Variants in GALM observed in about 807,000 individuals in gnomAD.
GALM encodes the protein galactose mutarotase, also known as aldose 1-epimerase.
A neutral mutation model predicts 37.4 loss-of-function variants in GALM; 43 were observed. The observed-to-expected ratio is 1.15, with a 90% CI of 0.90 to 1.48. The LOEUF is 1.48. Among genes scored for constraint, GALM ranks in the 40% most tolerant of loss-of-function variants. The probability of loss-of-function intolerance (pLI) is 0.00; values close to 1 mark genes in which losing one functional copy is unlikely to be tolerated. For missense variants in GALM, 456 were observed against 419.1 expected (o/e 1.09, Z -0.77); for synonymous variants, 199 against 170.6 (o/e 1.17, Z -1.30).
rs3097714 is a variant in GALM at position 38,733,349 on chromosome 2, A to G, written c.952-139A>G. On this transcript the variant is annotated intron_variant, in intron 6 of 6. Transcript: ENST00000272252. ...TCTGATTAAAGTTCTTTATCTCACT[A>G]TGAACCAATCATAAACAGTTCCCGC... The G allele has an allele frequency of 0.24, 178,397 of 753,404 alleles. 22,635 individuals carry two copies. Among genetic ancestry groups the G allele is most frequent in the Admixed American group, 0.31 (16,186 of 52,788 alleles). 46.7% of individuals were successfully genotyped at this position (753,404 alleles called of 1,614,324 possible).
At chr2:38,732,937 A>G (rs1457140077) in intron 6 of GALM, among the ~76,000 whole-genome samples, 12 of 144,178 alleles carry the variant, frequency 8.3e-5, no homozygotes, top group South Asian at 6.8e-4. Flanking sequence ...AAAAAAAAAA[A>G]GGGCCAGGTG....
chr2:38,687,712 GAA>G (rs79038557), intron 3 of GALM, among the ~76,000 whole-genome samples: 3 of 132,946 alleles, frequency 2.3e-5, no homozygotes, highest in Admixed American at 1.5e-4. Context: ...CTCTGCCTCC[GAA>G]AAAAAAAAAA....
intron 3 of GALM, 43 bp from the exon 4 acceptor site, chr2:38,689,770 A>G (rs1558583646): frequency 8.7e-7 from 1 of 1,155,538 alleles, no homozygotes; most frequent in African/African-American, 1.6e-5. Context: ...AATATATGAA[A>G]TAAGACTAAG....
chr2:38,685,857 A>G (rs528320746), intron 3 of GALM, among the ~76,000 whole-genome samples: 11 of 152,092 alleles, frequency 7.2e-5, no homozygotes, highest in Non-Finnish European at 1.3e-4. Flanking sequence ...AGCTGGGATT[A>G]CAGGCACGTG....
At chr2:38,711,400 A>T (rs902956867) in intron 4 of GALM, among the ~76,000 whole-genome samples, 9 of 151,982 alleles carry the variant, frequency 5.9e-5, no homozygotes, top group African/African-American at 2.2e-4. Flanking sequence ...ACCTCAGGTG[A>T]TCCGCCCACC....
intron 4 of GALM, chr2:38,698,513 TAAA>T (rs1241787730): frequency 7.6e-5 from 40 of 523,160 alleles, no homozygotes; most frequent in East Asian, 2.7e-4. Flanking sequence ...CTTAGCTACT[TAAA>T]AAAAAAAAAA....
At position 38,734,167 on chromosome 2, in the gene GALM, G is replaced by C. The variant is rs1666660786; in HGVS notation, c.*602G>C. 1 of 156,974 alleles carries C rather than the reference G, an allele frequency of 6.4e-6. No individual in the cohort carries two copies. The highest frequency in any genetic ancestry group is 2.4e-5 in the African/African-American group (1 of 41,468). The allele number at this position is 156,974 out of a possible 1,614,324, so 9.7% of individuals were successfully genotyped here. ...TAATCCCAGCACTTTGGAAGGCCGAGGCAGGCGGATCACGAGGTCAGGAGA... is the reference window on the plus strand; with the variant it reads ...TAATCCCAGCACTTTGGAAGGCCGACGCAGGCGGATCACGAGGTCAGGAGA... On this transcript the variant is annotated 3_prime_UTR_variant, in exon 7 of 7. Coordinates refer to ENST00000272252, the MANE Select transcript of GALM (RefSeq NM_138801.3).
chr2:38,710,753 CTT>C lies in GALM; in HGVS notation c.635-18786_635-18785del, dbSNP rs531054454. On this transcript the variant is annotated intron_variant, in intron 4 of 6. Coordinates refer to ENST00000272252, the MANE Select transcript of GALM (RefSeq NM_138801.3). ...GTTTGGTCATACTGGTCATTTCCTT[CTT>C]TTTTTTTTTTTTTTTTAGACGGAGT... 5.5e-4 allele frequency among the ~76,000 whole-genome samples: 73 copies of C among 133,334 alleles called. No individual in the cohort carries two copies. The South Asian group carries it at 8.6e-3, about 16-fold the overall frequency. The allele number at this position is 133,334 out of a possible 152,430, so 87.5% of individuals were successfully genotyped here.
chr2:38,729,092 G>T (rs1329117465), intron 4 of GALM, among the ~76,000 whole-genome samples: 1 of 152,092 alleles, frequency 6.6e-6, no homozygotes, highest in Non-Finnish European at 1.5e-5. Context: ...AGATACTCTA[G>T]TTCCTTCTAT....
At chr2:38,671,181 A>G (rs540596612) in intron 1 of GALM, among the ~76,000 whole-genome samples, 33 of 152,354 alleles carry the variant, frequency 2.2e-4, no homozygotes, top group African/African-American at 7.9e-4. Context: ...CATGAAAAAT[A>G]GTATTTTCTG....
At chr2:38,685,767 G>A (rs994694830) in intron 3 of GALM, among the ~76,000 whole-genome samples, 3 of 151,916 alleles carry the variant, frequency 2.0e-5, no homozygotes, top group Admixed American at 2.0e-4. Context: ...TCCCAGGCTG[G>A]AGTGCAGTGG....
Position 38,720,010 on chromosome 2 carries a change from TG to T in GALM, c.635-9543del, listed in dbSNP as rs371143264. On this transcript the variant is annotated intron_variant, in intron 4 of 6. Transcript: ENST00000272252. ...TGAGCCTAGGAGTTTGAGACCAGCC[TG>T]GGCAAGATGGTGAAACCCCGTCTCT... Among the ~76,000 whole-genome samples the T allele has an allele frequency of 3.3e-3, 496 of 151,940 alleles. 14 individuals carry two copies. The East Asian group carries it at 0.044, about 13-fold the overall frequency.
intron 4 of GALM, among the ~76,000 whole-genome samples, chr2:38,721,463 C>T (rs1005524425): frequency 2.0e-5 from 3 of 152,162 alleles, no homozygotes; most frequent in African/African-American, 7.2e-5. Flanking sequence ...TCTAACATCA[C>T]TCTTGTCATA....
chr2:38,715,091 A>G (rs1217061924), intron 4 of GALM, among the ~76,000 whole-genome samples: 2 of 152,076 alleles, frequency 1.3e-5, no homozygotes, highest in Admixed American at 6.6e-5. Flanking sequence ...TGCTGACTTG[A>G]TCCTTTTTAT....
rs1270276754 is a variant in GALM, at chr2:38,728,926, T to A, written c.635-630T>A. On this transcript the variant is annotated intron_variant, in intron 4 of 6. Transcript: ENST00000272252. ...CTGCCATCATCTTATCCTGGGGTTT[T>A]CCACCTGCGCTGCTCAGAACCTGTA... Among the ~76,000 whole-genome samples, 7 of 152,316 alleles carry A rather than the reference T, an allele frequency of 4.6e-5. No homozygotes were observed. The East Asian group carries it at 1.2e-3, about 25-fold the overall frequency.
intron 4 of GALM, among the ~76,000 whole-genome samples, chr2:38,701,633 G>A (rs1665920903): frequency 6.6e-6 from 1 of 152,156 alleles, no homozygotes; most frequent in South Asian, 2.1e-4. Flanking sequence ...CCATGAGGCT[G>A]TGGAGAGAGG....
rs553311052 is a variant in GALM, at chr2:38,731,351, C to T, written c.777-384C>T. 7.5e-5 allele frequency among the ~76,000 whole-genome samples: 11 copies of T among 146,782 alleles called. No individual in the cohort carries two copies. The South Asian group carries it at 1.3e-3, about 17-fold the overall frequency. ...GGCTGAGGTTGCAGTGAGCCGAGGT[C>T]GCGCCACTGCACTCCAGCCTGGGCA... On this transcript the variant is annotated intron_variant, in intron 5 of 6. Coordinates refer to ENST00000272252, the MANE Select transcript of GALM (RefSeq NM_138801.3).
intron 4 of GALM, among the ~76,000 whole-genome samples, chr2:38,710,736 A>G (rs1008598780): frequency 6.8e-6 from 1 of 147,692 alleles, no homozygotes; most frequent in African/African-American, 2.5e-5. Flanking sequence ...TGGTTTGGTC[A>G]TACTGGTCAT....
intron 4 of GALM, among the ~76,000 whole-genome samples, chr2:38,703,076 A>G (rs1316077207): frequency 3.7e-4 from 2 of 5,362 alleles, no homozygotes; most frequent in Admixed American, 2.9e-3. Context: ...ATATATATAT[A>G]TATATATATA....
Sources: gnomAD v4.1 joint callset for allele counts (sites outside exome capture counted in the v4.1 genomes callset) on GRCh38, gnomAD v4.1.1 for gene constraint, MANE v1.5 for transcripts, NCBI Gene and HGNC (gene_info 2026-07-23, HGNC 2026-07-21) for gene names.